Variants in DZIP1 observed in about 807,000 individuals in gnomAD.
DZIP1 encodes cilium assembly protein DZIP1.
In DZIP1, 97 loss-of-function variants were observed where a neutral mutation model predicts 107.6. The ratio of observed to expected loss-of-function variants is 0.90; its 90% confidence interval spans 0.77 to 1.07. The LOEUF (loss-of-function observed/expected upper bound fraction) is 1.07. Ranked by LOEUF, DZIP1 falls within the 50% of genes least tolerant of loss-of-function variation. The probability of loss-of-function intolerance (pLI) is 0.00; values close to 1 mark genes in which losing one functional copy is unlikely to be tolerated. For missense variants in DZIP1, 1,035 were observed against 1,063.6 expected (o/e 0.97, Z 0.37); for synonymous variants, 390 against 386.4 (o/e 1.01, Z -0.11).
intron 19 of DZIP1, 155 bp from the exon 20 acceptor site, chr13:95,587,884 G>T: frequency 1.1e-6 from 1 of 895,506 alleles, no homozygotes; most frequent in Non-Finnish European, 1.6e-6. Context: ...TGGCGGCGAG[G>T]CCAGAGGTTA....
In DZIP1 at chr13:95,639,703, C is replaced by G. The variant is rs7328221; in HGVS notation, c.597+1592G>C. 3.6e-3 allele frequency among the ~76,000 whole-genome samples: 545 copies of G among 150,614 alleles called. 7 individuals are homozygous for G. The highest frequency in any genetic ancestry group is 0.012 in the African/African-American group (493 of 41,158). ...AAGGAAAAAAAAGTTTATAAACATA[C>G]AATTTCTGTATGTTAGAGGTTTTAA... On this transcript the variant is annotated intron_variant, in intron 5 of 22. Coordinates refer to ENST00000376829, the MANE Select transcript of DZIP1 (RefSeq NM_198968.4).
chr13:95,582,273 T>G lies in DZIP1; in HGVS notation c.2565A>C (p.Leu855Phe). The change falls in exon 23 of 23, where the codon TTA (leucine) becomes TTC (phenylalanine). Residue 855 changes from leucine to phenylalanine, a missense_variant. Leu to Phe is a conservative substitution (Grantham distance 22). Coordinates refer to ENST00000376829, the MANE Select transcript of DZIP1 (RefSeq NM_198968.4). Reference sequence around the variant, plus strand: ...TGTCGCTCCAATCAGTCACAGTTACTAAGCTGCTTTTTAATGTGCTTGATT... The same window carrying G: ...TGTCGCTCCAATCAGTCACAGTTACGAAGCTGCTTTTTAATGTGCTTGATT... ...ENESSTLKSS[L>F]VTVTDWSDTS... The G allele has an allele frequency of 6.2e-7, 1 of 1,614,200 alleles. No individual in the cohort carries two copies. The highest frequency in any genetic ancestry group is 8.5e-7 in the Non-Finnish European group (1 of 1,180,004).
In DZIP1 at chr13:95,619,983, G is replaced by C. The variant is rs149856076; in HGVS notation, c.1111-36C>G. Reference sequence around the variant, plus strand: ...ATAAAAGAATAATTTATGTACAACTGTAACAATGAGATCTATGCAATATGG... The same window carrying C: ...ATAAAAGAATAATTTATGTACAACTCTAACAATGAGATCTATGCAATATGG... On this transcript the variant is annotated intron_variant, in intron 9 of 22. Coordinates refer to ENST00000376829, the MANE Select transcript of DZIP1 (RefSeq NM_198968.4). 4.5e-4 allele frequency: 716 copies of C among 1,606,456 alleles called. 2 individuals carry two copies. In the African/African-American group the frequency reaches 8.3e-3, roughly 19 times the overall value.
At position 95,641,450 on chromosome 13, in the gene DZIP1, G is replaced by A. The variant is rs763723856; in HGVS notation, c.442C>T (p.Arg148Trp). ...CCGTCGCAGTGGCTCAGGCGCAGCC[G>A]CTCCTCCAGGGTGTGCAGCTGCGAG... ...LTSQLHTLEE[R>W]LRLSHCDGEQ... The change falls in exon 5 of 23, where the codon CGG becomes TGG. Residue 148 changes from arginine to tryptophan, a missense_variant. Coordinates refer to ENST00000376829, the MANE Select transcript of DZIP1 (RefSeq NM_198968.4). The surrounding 1 kb of genome is among the most constrained non-coding windows in gnomAD (Gnocchi z 4.3). 6.2e-7 allele frequency: 1 copy of A among 1,614,122 alleles called. No homozygotes were observed. The highest frequency in any genetic ancestry group is 2.2e-5 in the East Asian group (1 of 44,884).
chr13:95,585,738 G>A (rs571996620), intron 21 of DZIP1, among the ~76,000 whole-genome samples: 1 of 152,276 alleles, frequency 6.6e-6, no homozygotes, highest in Admixed American at 6.5e-5. Flanking sequence ...CAAACCATTT[G>A]ATATCTGCAA....
At chr13:95,582,540 A>G (rs1432920168) in intron 22 of DZIP1, among the ~76,000 whole-genome samples, 1 of 152,102 alleles carries the variant, frequency 6.6e-6, no homozygotes, top group African/African-American at 2.4e-5. Flanking sequence ...CTTGGATGCA[A>G]GCTTCTGCCC....
At chr13:95,609,788 GAAC>G (rs960083969) in intron 12 of DZIP1, among the ~76,000 whole-genome samples, 85 of 152,132 alleles carry the variant, frequency 5.6e-4, no homozygotes, top group Admixed American at 4.5e-3. Context: ...GAGTTAAAGG[GAAC>G]AACAACCCTC....
At position 95,589,802 on chromosome 13, in the gene DZIP1, C is replaced by T. The variant is rs1455856579; in HGVS notation, c.1973+1G>A. On this transcript the variant is annotated splice_donor_variant, in intron 18 of 22. Coordinates refer to ENST00000376829, the MANE Select transcript of DZIP1 (RefSeq NM_198968.4). LOFTEE classifies it high-confidence loss of function. ...ATAAATCTGAGGGCTGAAATACTCACTTTGGAACAGATGTCCTATCAGTAG... is the reference window on the plus strand; with the variant it reads ...ATAAATCTGAGGGCTGAAATACTCATTTTGGAACAGATGTCCTATCAGTAG... The T allele has an allele frequency of 6.2e-7, 1 of 1,612,894 alleles. No homozygotes were observed. The highest frequency in any genetic ancestry group is 8.5e-7 in the Non-Finnish European group (1 of 1,179,446).
intron 7 of DZIP1, among the ~76,000 whole-genome samples, chr13:95,625,130 G>C (rs1041407336): frequency 2.0e-5 from 3 of 152,186 alleles, no homozygotes; most frequent in African/African-American, 7.2e-5. Flanking sequence ...GAATCCTCTT[G>C]TCCTTACATC....
chr13:95,639,998 AT>A (rs71682947), intron 5 of DZIP1, among the ~76,000 whole-genome samples: 50,839 of 142,762 alleles, frequency 0.36, 10,110 homozygotes, highest in Non-Finnish European at 0.46. Context: ...ATTTTTATTT[AT>A]TTTTTTTTTT....
intron 13 of DZIP1, among the ~76,000 whole-genome samples, chr13:95,606,499 C>T (rs1260103914): frequency 6.6e-6 from 1 of 152,182 alleles, no homozygotes; most frequent in African/African-American, 2.4e-5. Context: ...TATGTGGTCC[C>T]TTGCGTCTGG....
chr13:95,580,354 A>AAGAT lies in DZIP1; in HGVS notation c.*1876_*1879dup, dbSNP rs2043996561. 6.6e-6 allele frequency: 1 copy of AAGAT among 152,004 alleles called. No homozygotes were observed. Among genetic ancestry groups the AAGAT allele is most frequent in the Admixed American group, 6.6e-5 (1 of 15,238 alleles). 9.4% of individuals were successfully genotyped at this position (152,004 alleles called of 1,614,324 possible). ...TCTGTCTCAAAAAAAAAAAAAAAAA[A>AAGAT]AGATACAACTAACCATGTAAGCTAA... On this transcript the variant is annotated 3_prime_UTR_variant, in exon 23 of 23. Transcript: ENST00000376829.
rs1301794276 is a variant in DZIP1 at position 95,606,052 on chromosome 13, G to A, written c.1428C>T (p.Ala476=). 1.2e-6 allele frequency: 2 copies of A among 1,613,774 alleles called. No homozygotes were observed. The highest frequency in any genetic ancestry group is 3.3e-5 in the Admixed American group (2 of 59,990). ...QPAAPAVPMN[A]PALHTLETKS... is the part of the protein sequence containing the mutation. ...TAGTTTCCAAAGTGTGCAGGGCTGG[G>A]GCATTCACTGAAACAGCATAAAAAG... Residue 476 remains alanine (A), a synonymous_variant, in exon 14 of 23, where the codon GCC becomes GCT. Coordinates refer to ENST00000376829, the MANE Select transcript of DZIP1 (RefSeq NM_198968.4).
intron 20 of DZIP1, among the ~76,000 whole-genome samples, chr13:95,586,575 C>T (rs9525028): frequency 6.6e-6 from 1 of 151,654 alleles, no homozygotes; most frequent in Admixed American, 6.6e-5. Context: ...AGTGAGATAA[C>T]CTGCATGAGT....
chr13:95,613,755 C>A (rs1221354449), intron 10 of DZIP1, among the ~76,000 whole-genome samples: 1 of 152,088 alleles, frequency 6.6e-6, no homozygotes, highest in Non-Finnish European at 1.5e-5. Context: ...ATGTTTTGGC[C>A]CCATCGTACA....
chr13:95,621,541 T>C (rs1198816151), intron 9 of DZIP1, among the ~76,000 whole-genome samples: 4 of 152,078 alleles, frequency 2.6e-5, no homozygotes, highest in African/African-American at 9.7e-5. Context: ...GAATCCTGAA[T>C]TCATAAGCTC....
At chr13:95,623,222 T>C (rs1240481628) in intron 8 of DZIP1, among the ~76,000 whole-genome samples, 1 of 152,218 alleles carries the variant, frequency 6.6e-6, no homozygotes, top group Non-Finnish European at 1.5e-5. Flanking sequence ...TTATTCCCAA[T>C]GTTACTCATG....
intron 5 of DZIP1, among the ~76,000 whole-genome samples, chr13:95,636,196 CAAAA>C (rs35387094): frequency 7.4e-6 from 1 of 135,168 alleles, no homozygotes; most frequent in African/African-American, 2.8e-5. Flanking sequence ...AGATAAAATA[CAAAA>C]AAAAAAAAAA....
intron 16 of DZIP1, among the ~76,000 whole-genome samples, chr13:95,592,353 A>G (rs2044331682): frequency 6.6e-6 from 1 of 152,244 alleles, no homozygotes; most frequent in Admixed American, 6.5e-5. Context: ...AACAACCAAT[A>G]TGGAAAACTA....
Sources: gnomAD v4.1 joint callset for allele counts (sites outside exome capture counted in the v4.1 genomes callset) on GRCh38, gnomAD v4.1.1 for gene constraint, Gnocchi (gnomAD v3.1) non-coding constraint, MANE v1.5 for transcripts, NCBI Gene and HGNC (gene_info 2026-07-23, HGNC 2026-07-21) for gene names.